The following MAP4K3 variants were observed in gnomAD, a reference collection of about 807,000 sequenced individuals.
MAP4K3 encodes the protein MAPK/ERK kinase kinase kinase 3.
Under a neutral mutation model 143.5 loss-of-function variants are expected in MAP4K3, and 94 were observed. The ratio of observed to expected loss-of-function variants is 0.65; its 90% confidence interval spans 0.55 to 0.78. The LOEUF is 0.78. MAP4K3 is among the 30% of genes least tolerant of loss of function. MAP4K3 has a pLI of 0.00. For missense variants in MAP4K3, 1,077 were observed against 1,068.1 expected, an observed-to-expected ratio of 1.01 and a Z score of -0.12; for synonymous variants, 416 against 347.2, an observed-to-expected ratio of 1.20 and a Z score of -2.20.
At chr2:39,326,403 T>C in intron 8 of MAP4K3, 126 bp from the exon 9 acceptor site, 1 of 920,954 alleles carries the variant, frequency 1.1e-6, no homozygotes, top group Non-Finnish European at 1.6e-6. Flanking sequence ...TTTTGAAAAA[T>C]AAATATGCAG....
intron 4 of MAP4K3, among the ~76,000 whole-genome samples, chr2:39,339,543 G>A (rs1363708903): frequency 2.6e-5 from 4 of 152,138 alleles, no homozygotes; most frequent in Non-Finnish European, 5.9e-5. Flanking sequence ...TAGGGCTTTA[G>A]CATTATCCTC....
At chr2:39,295,370 G>A (rs1048506893) in intron 16 of MAP4K3, among the ~76,000 whole-genome samples, 4 of 151,520 alleles carry the variant, frequency 2.6e-5, no homozygotes, top group African/African-American at 9.7e-5. Context: ...ATTTTGAAAA[G>A]TTCTAAAGTT....
chr2:39,299,140 T>C lies in MAP4K3; in HGVS notation c.1178+603A>G, dbSNP rs921940116. ...GGGAATAGCAAAATTCTGTCTCCCA[T>C]CATACCTGGCAAATGAACAATTTAA... On this transcript the variant is annotated intron_variant, in intron 16 of 33. Transcript: ENST00000263881. Among the ~76,000 whole-genome samples the C allele has an allele frequency of 5.3e-5, 8 of 152,124 alleles. No individual in the cohort carries two copies. The East Asian group carries it at 5.8e-4, about 11-fold the overall frequency.
Position 39,369,193 on chromosome 2 carries a change from G to GTTTTTTTGTTTGTTTTTTTTTTTTTTT in MAP4K3, c.154+8872_154+8873insAAAAAAAAAAAAAAACAAACAAAAAAA, listed in dbSNP as rs747293878. 4.7e-4 allele frequency among the ~76,000 whole-genome samples: 18 copies of GTTTTTTTGTTTGTTTTTTTTTTTTTTT among 37,938 alleles called. 1 individual carries two copies. The highest frequency in any genetic ancestry group is 1.4e-3 in the South Asian group (1 of 728). 24.9% of individuals were successfully genotyped at this position (37,938 alleles called of 152,430 possible). ...GGGTAAAATCTAAACCTTTGGGCTA[G>GTTTTTTTGTTTGTTTTTTTTTTTTTTT]TTTTTTTTTTTGTTTTTTTTGAGAT... On this transcript the variant is annotated intron_variant, in intron 2 of 33. Coordinates refer to ENST00000263881, the MANE Select transcript of MAP4K3 (RefSeq NM_003618.4).
At chr2:39,340,262 C>T (rs547815067) in intron 4 of MAP4K3, among the ~76,000 whole-genome samples, 15 of 152,162 alleles carry the variant, frequency 9.9e-5, no homozygotes, top group Admixed American at 6.5e-4. Flanking sequence ...CCTACATGAC[C>T]GTGCAAGTAT....
intron 1 of MAP4K3, among the ~76,000 whole-genome samples, chr2:39,386,295 C>A (rs1227105550): frequency 6.6e-6 from 1 of 152,226 alleles, no homozygotes; most frequent in African/African-American, 2.4e-5. Context: ...TTTGGACTTC[C>A]AGCCTCCAGA....
chr2:39,333,427 G>T, intron 7 of MAP4K3, 105 bp downstream of exon 7: 1 of 799,032 alleles, frequency 1.3e-6, no homozygotes, highest in Non-Finnish European at 2.1e-6. Context: ...AAAATACACA[G>T]ATGCCGTCTT....
chr2:39,349,272 G>C (rs576848516), intron 3 of MAP4K3, among the ~76,000 whole-genome samples: 3 of 152,178 alleles, frequency 2.0e-5, no homozygotes, highest in East Asian at 3.9e-4. Context: ...TTTTTTGGTT[G>C]ATTTAAAAAT....
Position 39,293,250 on chromosome 2 carries a change from A to C in MAP4K3, c.1197T>G (p.Val399=). 6.4e-7 allele frequency: 1 copy of C among 1,550,864 alleles called. No individual in the cohort carries two copies. Residue 399 remains valine (V), a synonymous_variant, in exon 17 of 34, where the codon GTT becomes GTG. Transcript: ENST00000263881. ...LGANKSLLKS[V]EEELHQRGHV... is the part of the protein sequence containing the mutation. The stretch of plus-strand genomic sequence containing the variant: ...ATTACCGCTGATGCAATTCTTCTTC[A>C]ACAGACTTGAGAAGACTCCTTAAAA...
chr2:39,293,249 C>T lies in MAP4K3; in HGVS notation c.1198G>A (p.Glu400Lys), dbSNP rs1682128017. ...AATTACCGCTGATGCAATTCTTCTT[C>T]AACAGACTTGAGAAGACTCCTTAAA... is the stretch of plus-strand genomic sequence containing the variant. ...GANKSLLKSVEEELHQRGHVA... is the reference protein window; with the variant it reads ...GANKSLLKSVKEELHQRGHVA... The change falls in exon 17 of 34, where the codon GAA becomes AAA. Residue 400 changes from glutamate to lysine, a missense_variant. Glu to Lys is a moderately conservative substitution (Grantham distance 56). Transcript: ENST00000263881. The T allele has an allele frequency of 2.6e-6, 4 of 1,549,674 alleles. No individual in the cohort carries two copies. The highest frequency in any genetic ancestry group is 1.2e-5 in the South Asian group (1 of 81,934).
intron 16 of MAP4K3, 106 bp from the exon 17 acceptor site, chr2:39,293,374 A>G (rs574943295): frequency 1.3e-6 from 1 of 747,324 alleles, no homozygotes; most frequent in Admixed American, 3.2e-5. Context: ...TTGAATGATT[A>G]CTTTTTTACC....
At chr2:39,408,089 A>C (rs1172629563) in intron 1 of MAP4K3, among the ~76,000 whole-genome samples, 1 of 152,184 alleles carries the variant, frequency 6.6e-6, no homozygotes, top group East Asian at 1.9e-4. Flanking sequence ...GAAAAAATAA[A>C]CACCAGCTGC....
intron 2 of MAP4K3, among the ~76,000 whole-genome samples, chr2:39,371,911 C>A (rs2148572985): frequency 6.7e-6 from 1 of 149,804 alleles, no homozygotes; most frequent in Non-Finnish European, 1.5e-5. Context: ...ATATATATTA[C>A]ATATATTTAT....
At chr2:39,305,810 C>A (rs1190814780) in intron 15 of MAP4K3, among the ~76,000 whole-genome samples, 1 of 151,410 alleles carries the variant, frequency 6.6e-6, no homozygotes, top group Non-Finnish European at 1.5e-5. Flanking sequence ...CCACATGTGG[C>A]ACAGAAAAGA....
At chr2:39,417,533 T>C (rs1667419360) in intron 1 of MAP4K3, among the ~76,000 whole-genome samples, 1 of 152,128 alleles carries the variant, frequency 6.6e-6, no homozygotes, top group Non-Finnish European at 1.5e-5. Flanking sequence ...CCAGGTTTCT[T>C]ACTACTGGAT....
At chr2:39,385,566 A>ATATATATATATATTC (rs1666478756) in intron 1 of MAP4K3, among the ~76,000 whole-genome samples, 1 of 20,608 alleles carries the variant, frequency 4.9e-5, no homozygotes, top group Non-Finnish European at 2.4e-4. Flanking sequence ...ATATATATAT[A>ATATATATATATATTC]TATATATATA....
chr2:39,321,343 G>T (rs79042679), intron 12 of MAP4K3, among the ~76,000 whole-genome samples: 1 of 152,162 alleles, frequency 6.6e-6, no homozygotes. Flanking sequence ...AGGGTTAAAT[G>T]GATTAAGGGT....
At chr2:39,406,837 T>G (rs1572496826) in intron 1 of MAP4K3, among the ~76,000 whole-genome samples, 2 of 152,276 alleles carry the variant, frequency 1.3e-5, no homozygotes, top group Admixed American at 1.3e-4. Context: ...ATTACAACAC[T>G]GTAATTGCGG....
intron 24 of MAP4K3, 48 bp from the exon 25 acceptor site, chr2:39,272,590 A>T (rs918384259): frequency 6.9e-6 from 10 of 1,458,676 alleles, no homozygotes; most frequent in Non-Finnish European, 8.6e-6. Flanking sequence ...ACATAATGGC[A>T]ATGTAAATCT....
Sources: gnomAD v4.1 joint callset for allele counts (sites outside exome capture counted in the v4.1 genomes callset) on GRCh38, gnomAD v4.1.1 for gene constraint, MANE v1.5 for transcripts, NCBI Gene and HGNC (gene_info 2026-07-23, HGNC 2026-07-21) for gene names.